Variants in WSCD2 observed in about 807,000 individuals in gnomAD.
WSCD2 encodes the protein WSC domain sialate O sulfotransferase 2.
WSCD2 carries 28 observed loss-of-function variants against 55.7 expected under a neutral mutation model. That is an observed-to-expected ratio of 0.50 (90% CI 0.37 to 0.69). The LOEUF (loss-of-function observed/expected upper bound fraction) is 0.69. Ranked by LOEUF, WSCD2 falls within the 30% of genes least tolerant of loss-of-function variation. The pLI is 0.00. For synonymous variants in WSCD2, 301 were observed against 301.9 expected (o/e 1.00, Z 0.03); for missense variants, 616 against 762.1 (o/e 0.81, Z 2.26).
intron 1 of WSCD2, among the ~76,000 whole-genome samples, chr12:108,157,908 A>C (rs1256147731): frequency 6.6e-6 from 1 of 152,104 alleles, no homozygotes; most frequent in East Asian, 1.9e-4. Flanking sequence ...AAGAGAGAAA[A>C]ATTTAGGGAA....
At chr12:108,153,891 G>A (rs559114576) in intron 1 of WSCD2, among the ~76,000 whole-genome samples, 23 of 152,198 alleles carry the variant, frequency 1.5e-4, no homozygotes, top group East Asian at 1.9e-4. Flanking sequence ...GGGGAAGAGC[G>A]TGTCTCGAGG....
At chr12:108,239,766 C>A (rs4964666) in intron 7 of WSCD2, among the ~76,000 whole-genome samples, 1 of 152,186 alleles carries the variant, frequency 6.6e-6, no homozygotes, top group African/African-American at 2.4e-5. Context: ...CCAGGCTGGA[C>A]TGCAGTGGCA....
At chr12:108,169,051 A>T (rs903936531) in intron 1 of WSCD2, among the ~76,000 whole-genome samples, 1 of 152,130 alleles carries the variant, frequency 6.6e-6, no homozygotes, top group Non-Finnish European at 1.5e-5. Context: ...TTAGATTCTC[A>T]TAGGAGCACA....
At chr12:108,234,554 A>G (rs900983783) in intron 7 of WSCD2, among the ~76,000 whole-genome samples, 2 of 152,258 alleles carry the variant, frequency 1.3e-5, no homozygotes, top group African/African-American at 4.8e-5. Flanking sequence ...TGAGGGTATT[A>G]CATGCTTATA....
chr12:108,137,861 G>A (rs1876379571), intron 1 of WSCD2, among the ~76,000 whole-genome samples: 1 of 152,230 alleles, frequency 6.6e-6, no homozygotes, highest in South Asian at 2.1e-4. Context: ...TGTTGGATAA[G>A]TGACATCTAA....
At chr12:108,143,906 G>A (rs562227537) in intron 1 of WSCD2, among the ~76,000 whole-genome samples, 1 of 152,272 alleles carries the variant, frequency 6.6e-6, no homozygotes, top group South Asian at 2.1e-4. Context: ...GATGCCTCCA[G>A]GACAGGTGGG....
intron 1 of WSCD2, among the ~76,000 whole-genome samples, chr12:108,165,215 A>G (rs1363525795): frequency 6.6e-6 from 1 of 152,138 alleles, no homozygotes; most frequent in African/African-American, 2.4e-5. Context: ...TTAACCCTGG[A>G]TCTTCCGGGC....
chr12:108,150,662 A>C (rs1320861160), intron 1 of WSCD2, among the ~76,000 whole-genome samples: 1 of 152,140 alleles, frequency 6.6e-6, no homozygotes, highest in Non-Finnish European at 1.5e-5. Flanking sequence ...GGACCCCGAT[A>C]TGCAGTCGGT....
intron 1 of WSCD2, among the ~76,000 whole-genome samples, chr12:108,155,740 G>T (rs868057133): frequency 1.4e-4 from 21 of 152,186 alleles, no homozygotes; most frequent in African/African-American, 5.1e-4. Flanking sequence ...AGATTTAAAT[G>T]AGATAATCTA....
At chr12:108,198,489 A>G (rs1321773660) in intron 2 of WSCD2, among the ~76,000 whole-genome samples, 1 of 152,146 alleles carries the variant, frequency 6.6e-6, no homozygotes, top group Admixed American at 6.5e-5. Flanking sequence ...ATGTTTGTCC[A>G]TGTCCCCTGA....
chr12:108,179,004 C>A (rs1226681515), intron 1 of WSCD2, among the ~76,000 whole-genome samples: 1 of 152,202 alleles, frequency 6.6e-6, no homozygotes, highest in Non-Finnish European at 1.5e-5. Context: ...TTCTGGGACA[C>A]ACCCTGTGTC....
intron 4 of WSCD2, among the ~76,000 whole-genome samples, chr12:108,212,956 C>A (rs1369477277): frequency 6.6e-6 from 1 of 152,146 alleles, no homozygotes; most frequent in Non-Finnish European, 1.5e-5. Context: ...AAAAGAAAAT[C>A]TAAGCCTTAT....
chr12:108,206,477 C>T (rs966832879), intron 3 of WSCD2, 74 bp downstream of exon 3: 146 of 1,443,418 alleles, frequency 1.0e-4, no homozygotes, highest in Admixed American at 2.1e-4. Flanking sequence ...GTATTCTTTG[C>T]CCTGCTATGG....
intron 8 of WSCD2, chr12:108,244,490 C>G: frequency 1.4e-6 from 1 of 702,874 alleles, no homozygotes; most frequent in Non-Finnish European, 2.6e-6. Flanking sequence ...ATAACACTAA[C>G]CAGTATTTAT....
chr12:108,146,218 T>A (rs1371259084), intron 1 of WSCD2, among the ~76,000 whole-genome samples: 1 of 152,246 alleles, frequency 6.6e-6, no homozygotes, highest in African/African-American at 2.4e-5. Context: ...TCCCCCAAGA[T>A]AATTATCTTT....
intron 1 of WSCD2, among the ~76,000 whole-genome samples, chr12:108,145,837 G>A (rs967112690): frequency 6.6e-6 from 1 of 152,140 alleles, no homozygotes; most frequent in Non-Finnish European, 1.5e-5. Context: ...GGCATTGTGC[G>A]AAAATAATGG....
chr12:108,148,268 G>A (rs1445754204), intron 1 of WSCD2, among the ~76,000 whole-genome samples: 1 of 152,204 alleles, frequency 6.6e-6, no homozygotes, highest in African/African-American at 2.4e-5. Context: ...CCCCTGAGGT[G>A]GGGAAGGGGT....
chr12:108,173,805 GCT>G (rs10658530), intron 1 of WSCD2, among the ~76,000 whole-genome samples: 15 of 127,856 alleles, frequency 1.2e-4, no homozygotes, highest in African/African-American at 4.1e-4. Flanking sequence ...CTGATTCCTG[GCT>G]CTCTGTGTGT....
intron 1 of WSCD2, among the ~76,000 whole-genome samples, chr12:108,166,787 T>TTCTC (rs1180713499): frequency 6.8e-6 from 1 of 146,140 alleles, no homozygotes; most frequent in Non-Finnish European, 1.5e-5. Context: ...CTTTCTTTCT[T>TTCTC]TCTGTCTTTC....
Sources: gnomAD v4.1 joint callset for allele counts (sites outside exome capture counted in the v4.1 genomes callset) on GRCh38, gnomAD v4.1.1 for gene constraint, MANE v1.5 for transcripts, NCBI Gene and HGNC (gene_info 2026-07-23, HGNC 2026-07-21) for gene names.